The following KLHL29 variants were observed in gnomAD, a reference collection of about 807,000 sequenced individuals.
KLHL29 encodes kelch like family member 29, also known as kelch-like protein 29.
In KLHL29, 21 loss-of-function variants were observed where a neutral mutation model predicts 80.4. The observed-to-expected ratio is 0.26, with a 90% confidence interval of 0.19 to 0.38. KLHL29 has a LOEUF of 0.38. KLHL29 is among the 10% of genes least tolerant of loss of function. The pLI, the probability that KLHL29 is intolerant of heterozygous loss-of-function variation, is 1.00. For synonymous variants in KLHL29, 511 were observed against 526.8 expected, an observed-to-expected ratio of 0.97 and a Z score of 0.41; for missense variants, 867 against 1,223.9, an observed-to-expected ratio of 0.71 and a Z score of 4.35.
At chr2:23,693,124 A>G (rs1168237092) in intron 7 of KLHL29, 145 bp from the exon 8 acceptor site, 15 of 948,432 alleles carry the variant, frequency 1.6e-5, no homozygotes, top group Non-Finnish European at 2.1e-5. Context: ...GACACCCAGG[A>G]AGGGGGCCTG....
chr2:23,595,469 C>T (rs1668372685), intron 3 of KLHL29, among the ~76,000 whole-genome samples: 1 of 152,242 alleles, frequency 6.6e-6, no homozygotes, highest in Non-Finnish European at 1.5e-5. Flanking sequence ...TACCTGCCCT[C>T]TCTGTGCCAA....
At chr2:23,531,268 A>G (rs1186373896) in intron 2 of KLHL29, among the ~76,000 whole-genome samples, 3 of 152,238 alleles carry the variant, frequency 2.0e-5, no homozygotes, top group Non-Finnish European at 4.4e-5. Context: ...CCATTAACCA[A>G]AAACAGGCAT....
At chr2:23,557,936 A>G (rs1225053228) in intron 2 of KLHL29, among the ~76,000 whole-genome samples, 1 of 152,146 alleles carries the variant, frequency 6.6e-6, no homozygotes, top group African/African-American at 2.4e-5. Context: ...CGCCCCCAGT[A>G]TGCAACATCC....
rs188565270 is a variant in KLHL29, at chr2:23,531,067, T to G, written c.-45-31085T>G. On this transcript the variant is annotated intron_variant, in intron 2 of 13. Transcript: ENST00000486442. The stretch of plus-strand genomic sequence containing the variant: ...TGTTTTAAGAAGTGCAAAGTTCAGG[T>G]TGACACCTGGATGCACAGTGAGGTA... Among the ~76,000 whole-genome samples the G allele has an allele frequency of 2.8e-3, 422 of 152,148 alleles. 5 individuals carry two copies. Among genetic ancestry groups the G allele is most frequent in the African/African-American group, 9.7e-3 (402 of 41,410 alleles).
chr2:23,524,371 C>CACAT, intron 2 of KLHL29: 1 of 180,950 alleles, frequency 5.5e-6, no homozygotes, highest in South Asian at 1.2e-4. Context: ...CCAGGAAATA[C>CACAT]CTTTAGGTCC....
chr2:23,559,932 A>G (rs1246178658), intron 2 of KLHL29, among the ~76,000 whole-genome samples: 1 of 152,132 alleles, frequency 6.6e-6, no homozygotes, highest in African/African-American at 2.4e-5. Context: ...AGGGAGGCGG[A>G]GGGCTGGGAG....
At chr2:23,473,489 T>C (rs1664552548) in intron 1 of KLHL29, among the ~76,000 whole-genome samples, 1 of 152,052 alleles carries the variant, frequency 6.6e-6, no homozygotes, top group African/African-American at 2.4e-5. Context: ...TGTGGTTTAT[T>C]TTTGTTCAGA....
At chr2:23,595,805 GTC>G (rs2103519236) in intron 3 of KLHL29, among the ~76,000 whole-genome samples, 1 of 152,244 alleles carries the variant, frequency 6.6e-6, no homozygotes, top group East Asian at 1.9e-4. Context: ...TTCCCATGCT[GTC>G]TCTCCACCAG....
In KLHL29 at chr2:23,647,285, A is replaced by G. The variant is rs1669964307; in HGVS notation, c.940+4435A>G. Among the ~76,000 whole-genome samples the G allele has an allele frequency of 6.6e-6, 1 of 152,152 alleles. No individual in the cohort carries two copies. The highest frequency in any genetic ancestry group is 1.5e-5 in the Non-Finnish European group (1 of 68,028). ...TGTTCCTTCCACAGCCTCCATAAATATTCTGGAAGAAGCTGGGAATGCATG... is the reference window on the plus strand; with the variant it reads ...TGTTCCTTCCACAGCCTCCATAAATGTTCTGGAAGAAGCTGGGAATGCATG... On this transcript the variant is annotated intron_variant, in intron 5 of 13. Transcript: ENST00000486442. The surrounding 1 kb of genome is among the most constrained non-coding windows in gnomAD (Gnocchi z 4.9).
In KLHL29 at chr2:23,390,402, C is replaced by T. The variant is rs150452207; in HGVS notation, c.-154+4622C>T. Among the ~76,000 whole-genome samples, 27 of 152,206 alleles carry T rather than the reference C, an allele frequency of 1.8e-4. No homozygotes were observed. In the East Asian group the frequency reaches 4.4e-3, roughly 25 times the overall value. On this transcript the variant is annotated intron_variant, in intron 1 of 13. Transcript: ENST00000486442. The stretch of plus-strand genomic sequence containing the variant: ...GCCGGGGATCTAGCGTGCGCAAAGA[C>T]GACAGCCGCTAGGCCATTTACAGGC...
chr2:23,639,955 GC>G (rs1159637095), intron 4 of KLHL29, among the ~76,000 whole-genome samples: 9 of 152,116 alleles, frequency 5.9e-5, no homozygotes, highest in Non-Finnish European at 1.3e-4. Flanking sequence ...TCTGCCCCCT[GC>G]ATCCCTCTTG....
At chr2:23,603,466 C>T (rs563547003) in intron 3 of KLHL29, among the ~76,000 whole-genome samples, 3 of 152,184 alleles carry the variant, frequency 2.0e-5, no homozygotes, top group Non-Finnish European at 4.4e-5. Flanking sequence ...ACAAAAATCC[C>T]AGATTCCAGA....
rs540645168 is a variant in KLHL29, at chr2:23,627,473, C to A, written c.286-11666C>A. ...GCGGTCATTTCTGCCCAGCTCTGAC[C>A]CCCATACCATTCAGAATCTAGGCTA... On this transcript the variant is annotated intron_variant, in intron 3 of 13. Coordinates refer to ENST00000486442, the MANE Select transcript of KLHL29 (RefSeq NM_052920.2). Among the ~76,000 whole-genome samples the A allele has an allele frequency of 8.5e-5, 13 of 152,318 alleles. No homozygotes were observed. In the East Asian group the frequency reaches 2.1e-3, roughly 25 times the overall value.
chr2:23,397,777 C>T (rs1368181863), intron 1 of KLHL29, among the ~76,000 whole-genome samples: 1 of 152,190 alleles, frequency 6.6e-6, no homozygotes. Flanking sequence ...CAAACAAACA[C>T]CTCCATTAAA....
intron 2 of KLHL29, among the ~76,000 whole-genome samples, chr2:23,480,683 TG>T (rs1263527506): frequency 6.6e-6 from 1 of 152,234 alleles, no homozygotes; most frequent in Admixed American, 6.5e-5. Flanking sequence ...ACAATATTCC[TG>T]GATGATGTGT....
At chr2:23,633,756 C>CTCT (rs35002083) in intron 3 of KLHL29, among the ~76,000 whole-genome samples, 1 of 147,128 alleles carries the variant, frequency 6.8e-6, no homozygotes, top group East Asian at 2.0e-4. Context: ...TCACAGCACT[C>CTCT]GTGTGTGTGT....
intron 13 of KLHL29, 116 bp downstream of exon 13, chr2:23,703,979 T>C: frequency 8.4e-7 from 1 of 1,190,224 alleles, no homozygotes; most frequent in African/African-American, 1.5e-5. Context: ...CCCAGAGCAG[T>C]GGCCCTCCCC....
intron 2 of KLHL29, among the ~76,000 whole-genome samples, chr2:23,502,172 G>T (rs777532809): frequency 1.4e-4 from 21 of 152,114 alleles, no homozygotes; most frequent in Non-Finnish European, 2.9e-4. Flanking sequence ...TCAGACATTC[G>T]CAATGCCTCC....
chr2:23,441,593 A>G (rs1253559341), intron 1 of KLHL29, among the ~76,000 whole-genome samples: 2 of 152,162 alleles, frequency 1.3e-5, no homozygotes, highest in African/African-American at 4.8e-5. Flanking sequence ...GGGCTCAGCA[A>G]GGATGGTTCA....
Sources: allele counts gnomAD v4.1 joint callset (sites outside exome capture counted in the v4.1 genomes callset), GRCh38; gene constraint gnomAD v4.1.1; non-coding constraint Gnocchi (gnomAD v3.1); transcripts MANE v1.5; gene names NCBI Gene and HGNC (gene_info 2026-07-23, HGNC 2026-07-21).